The following OPCML variants were observed in gnomAD, a reference collection of about 807,000 sequenced individuals.
OPCML encodes opioid binding protein/cell adhesion molecule like.
A neutral mutation model predicts 37.8 loss-of-function variants in OPCML; 13 were observed. The observed-to-expected ratio is 0.34, with a 90% CI of 0.22 to 0.55. OPCML has a LOEUF of 0.55. Ranked by LOEUF, OPCML falls within the 20% of genes least tolerant of loss-of-function variation. OPCML has a pLI of 0.91. For synonymous variants in OPCML, 176 were observed against 168.8 expected (o/e 1.04, Z -0.33); for missense variants, 341 against 435.6 (o/e 0.78, Z 1.93).
rs767826252 is a variant in OPCML, at chr11:132,416,069, A to C, written c.*4124T>G. 6.6e-6 allele frequency: 1 copy of C among 152,594 alleles called. No individual in the cohort carries two copies. Among genetic ancestry groups the C allele is most frequent in the Non-Finnish European group, 1.5e-5 (1 of 68,052 alleles). 9.5% of individuals were successfully genotyped at this position (152,594 alleles called of 1,614,324 possible). On this transcript the variant is annotated 3_prime_UTR_variant, in exon 8 of 8. Coordinates refer to ENST00000524381, the MANE Select transcript of OPCML (RefSeq NM_001012393.5). ...GTATAAGAGTTTCCAAGATAAGGTC[A>C]CGTGCAAAATGAAAACAAAAGATTC... is the stretch of plus-strand genomic sequence containing the variant.
At chr11:133,462,948 A>G (rs1459725462) in intron 1 of OPCML, among the ~76,000 whole-genome samples, 1 of 152,182 alleles carries the variant, frequency 6.6e-6, no homozygotes, top group East Asian at 1.9e-4. Flanking sequence ...CCGCTGATGA[A>G]TAAGTGGATA....
intron 1 of OPCML, among the ~76,000 whole-genome samples, chr11:133,086,802 T>G (rs148057167): frequency 3.1e-4 from 47 of 152,352 alleles, no homozygotes; most frequent in African/African-American, 9.4e-4. Flanking sequence ...TTTGACTTTT[T>G]AAGATTCTAC....
rs1455057407 is a variant in OPCML at position 133,373,486 on chromosome 11, G to A, written c.61+158778C>T. Among the ~76,000 whole-genome samples the A allele has an allele frequency of 7.8e-5, 11 of 140,718 alleles. 1 individual carries two copies. In the East Asian group the frequency reaches 1.5e-3, roughly 19 times the overall value. The allele number at this position is 140,718 out of a possible 152,430, so 92.3% of individuals were successfully genotyped here. A position where few individuals can be genotyped will look rare whatever the true frequency, so the allele number is the denominator to read the frequency against. On this transcript the variant is annotated intron_variant, in intron 1 of 7. Transcript: ENST00000524381. ...ACAAAAATACAAAATTTAGCCAGGC[G>A]TTGTGGTACACTCCTGTAGTCTCAA... is the stretch of plus-strand genomic sequence containing the variant.
intron 1 of OPCML, chr11:133,005,108 G>A (rs1456683423): frequency 1.5e-5 from 15 of 985,156 alleles, no homozygotes; most frequent in Non-Finnish European, 1.8e-5. Context: ...ATGAAGTTTA[G>A]AATGAAATCC....
intron 2 of OPCML, among the ~76,000 whole-genome samples, chr11:132,725,812 G>T: frequency 6.6e-6 from 1 of 150,386 alleles, no homozygotes. Flanking sequence ...AAATTTCTCT[G>T]CCAGATACCA....
intron 1 of OPCML, among the ~76,000 whole-genome samples, chr11:133,526,705 C>CA (rs1426024512): frequency 3.3e-5 from 5 of 152,298 alleles, no homozygotes; most frequent in African/African-American, 1.2e-4. Context: ...GAACCATCCC[C>CA]ACCCCTCAGG....
chr11:133,516,159 G>C (rs937806403), intron 1 of OPCML, among the ~76,000 whole-genome samples: 1 of 152,156 alleles, frequency 6.6e-6, no homozygotes, highest in African/African-American at 2.4e-5. Context: ...AGCAAGGCTG[G>C]CAGCTGGTGG....
At chr11:132,604,151 T>C (rs1476598639) in intron 3 of OPCML, among the ~76,000 whole-genome samples, 1 of 152,190 alleles carries the variant, frequency 6.6e-6, no homozygotes, top group Admixed American at 6.5e-5. Flanking sequence ...CAAGAGCTCA[T>C]GTGTGACCTC....
intron 4 of OPCML, among the ~76,000 whole-genome samples, chr11:132,509,777 C>T (rs922736512): frequency 1.3e-5 from 2 of 152,202 alleles, no homozygotes; most frequent in African/African-American, 4.8e-5. Flanking sequence ...CAAAAGTTTG[C>T]TGCAGGGGTG....
chr11:132,706,568 T>G (rs924454026), intron 2 of OPCML, among the ~76,000 whole-genome samples: 14 of 152,076 alleles, frequency 9.2e-5, no homozygotes, highest in African/African-American at 3.4e-4. Context: ...ACCCTCTGAT[T>G]AAGAGGTAAA....
At chr11:132,603,624 A>G (rs1401410617) in intron 3 of OPCML, among the ~76,000 whole-genome samples, 1 of 152,232 alleles carries the variant, frequency 6.6e-6, no homozygotes, top group Non-Finnish European at 1.5e-5. Flanking sequence ...ATAATTGCCC[A>G]GCTTAAAAAC....
Position 133,320,086 on chromosome 11 carries a change from T to C in OPCML, c.61+212178A>G, listed in dbSNP as rs531043759. Among the ~76,000 whole-genome samples, 32 of 152,320 alleles carry C rather than the reference T, an allele frequency of 2.1e-4. No individual in the cohort carries two copies. In the South Asian group the frequency reaches 6.6e-3, roughly 32 times the overall value. On this transcript the variant is annotated intron_variant, in intron 1 of 7. Coordinates refer to ENST00000524381, the MANE Select transcript of OPCML (RefSeq NM_001012393.5). Reference sequence around the variant, plus strand: ...CTTGTCACTAAGCAATGCATTCCTCTCCAGTAGTGTTCTCATTTCACCCGT... The same window carrying C: ...CTTGTCACTAAGCAATGCATTCCTCCCCAGTAGTGTTCTCATTTCACCCGT...
In OPCML at chr11:133,485,570, T is replaced by C. The variant is rs547417158; in HGVS notation, c.61+46694A>G. 1.1e-4 allele frequency among the ~76,000 whole-genome samples: 16 copies of C among 152,308 alleles called. No homozygotes were observed. In the East Asian group the frequency reaches 3.1e-3, roughly 29 times the overall value. On this transcript the variant is annotated intron_variant, in intron 1 of 7. Coordinates refer to ENST00000524381, the MANE Select transcript of OPCML (RefSeq NM_001012393.5). ...TACCAGATCAGTCCTCTCATATAAATACCCATAACATTACAAGCAAACTGA... is the reference window on the plus strand; with the variant it reads ...TACCAGATCAGTCCTCTCATATAAACACCCATAACATTACAAGCAAACTGA...
At chr11:132,850,137 G>A (rs1238416535) in intron 2 of OPCML, among the ~76,000 whole-genome samples, 1 of 152,150 alleles carries the variant, frequency 6.6e-6, no homozygotes, top group Non-Finnish European at 1.5e-5. Flanking sequence ...TCTAAGTGAA[G>A]TAATCCTTCA....
At chr11:133,156,323 G>C (rs1950061774) in intron 1 of OPCML, among the ~76,000 whole-genome samples, 1 of 152,184 alleles carries the variant, frequency 6.6e-6, no homozygotes, top group Non-Finnish European at 1.5e-5. Flanking sequence ...TGGAGGCACA[G>C]ATTTCTACGG....
At chr11:132,970,526 G>C (rs1360512524) in intron 1 of OPCML, among the ~76,000 whole-genome samples, 1 of 152,120 alleles carries the variant, frequency 6.6e-6, no homozygotes, top group Non-Finnish European at 1.5e-5. Flanking sequence ...AGTATTATCA[G>C]TGCCTACAGA....
chr11:132,654,481 G>GGAAGCTCCTCCCCAAGA (rs1941594151), intron 3 of OPCML, among the ~76,000 whole-genome samples: 4 of 97,750 alleles, frequency 4.1e-5, no homozygotes, highest in Non-Finnish European at 2.2e-5. Context: ...CTTCCCCAAG[G>GGAAGCTCCTCCCCAAGA]GAAGCTCCTC....
At chr11:133,161,985 C>CTTTTTTTTTTTTTTTTTTT (rs553617547) in intron 1 of OPCML, among the ~76,000 whole-genome samples, 1 of 85,482 alleles carries the variant, frequency 1.2e-5, no homozygotes, top group Non-Finnish European at 2.2e-5. Context: ...CAGTCTCTGT[C>CTTTTTTTTTTTTTTTTTTT]TTTTTTTTTT....
chr11:132,870,904 G>A (rs1220860870), intron 2 of OPCML, among the ~76,000 whole-genome samples: 1 of 152,148 alleles, frequency 6.6e-6, no homozygotes, highest in Non-Finnish European at 1.5e-5. Flanking sequence ...GGGGTAAGGA[G>A]GTGTGGCTTA....
Sources: gnomAD v4.1 joint callset for allele counts (sites outside exome capture counted in the v4.1 genomes callset) on GRCh38, gnomAD v4.1.1 for gene constraint, MANE v1.5 for transcripts, NCBI Gene and HGNC (gene_info 2026-07-23, HGNC 2026-07-21) for gene names.